Variants in FRAS1 observed in about 807,000 individuals in gnomAD.
FRAS1 encodes extracellular matrix organizing protein FRAS1.
In FRAS1, 290 loss-of-function variants were observed where a neutral mutation model predicts 435.2. The observed-to-expected ratio is 0.67, with a 90% CI of 0.61 to 0.73. The LOEUF is 0.73. Ranked by LOEUF, FRAS1 falls within the 30% of genes least tolerant of loss-of-function variation. The pLI, the probability that FRAS1 is intolerant of heterozygous loss-of-function variation, is 0.00. For missense variants in FRAS1, 4,860 were observed against 5,001.5 expected (o/e 0.97, Z 0.85); for synonymous variants, 1,800 against 1,851.0 (o/e 0.97, Z 0.71).
intron 18 of FRAS1, among the ~76,000 whole-genome samples, chr4:78,331,161 T>A (rs1414486583): frequency 6.6e-6 from 1 of 152,166 alleles, no homozygotes; most frequent in African/African-American, 2.4e-5. Context: ...AAAATTTAAT[T>A]TAAGAAAAAG....
At chr4:78,511,213 T>G in intron 63 of FRAS1, 61 bp from the exon 64 acceptor site, 1 of 1,303,544 alleles carries the variant, frequency 7.7e-7, no homozygotes, top group Non-Finnish European at 1.1e-6. Flanking sequence ...TTGAACCAGA[T>G]CATGTAAGGA....
At chr4:78,405,115 C>T (rs1006401169) in intron 30 of FRAS1, among the ~76,000 whole-genome samples, 10 of 152,098 alleles carry the variant, frequency 6.6e-5, no homozygotes, top group South Asian at 2.1e-4. Context: ...AAATATCTTA[C>T]GATTCCTGTT....
At chr4:78,505,826 T>A (rs1295494161) in intron 61 of FRAS1, among the ~76,000 whole-genome samples, 1 of 152,206 alleles carries the variant, frequency 6.6e-6, no homozygotes, top group African/African-American at 2.4e-5. Flanking sequence ...TTTTTAGAAT[T>A]TTCAGCTTTT....
chr4:78,461,553 A>G (rs1031062065), intron 47 of FRAS1, among the ~76,000 whole-genome samples: 1 of 152,176 alleles, frequency 6.6e-6, no homozygotes. Flanking sequence ...CAGTCTTTAA[A>G]CTGTGTTCCA....
intron 20 of FRAS1, among the ~76,000 whole-genome samples, chr4:78,358,366 C>T (rs1323686870): frequency 6.6e-6 from 1 of 152,118 alleles, no homozygotes; most frequent in East Asian, 1.9e-4. Context: ...ATAAATGGCT[C>T]TTGAAATACA....
At chr4:78,343,901 G>A (rs1477153160) in intron 20 of FRAS1, among the ~76,000 whole-genome samples, 1 of 152,138 alleles carries the variant, frequency 6.6e-6, no homozygotes, top group Non-Finnish European at 1.5e-5. Context: ...GGGGGAGGTG[G>A]GTTGGCACCG....
intron 22 of FRAS1, among the ~76,000 whole-genome samples, chr4:78,366,861 G>A (rs969036710): frequency 3.3e-5 from 5 of 152,184 alleles, no homozygotes; most frequent in Admixed American, 6.5e-5. Context: ...CTGAGAACCC[G>A]AGGGACGTTG....
chr4:78,268,414 C>T (rs1438901448), intron 9 of FRAS1, among the ~76,000 whole-genome samples: 4 of 152,112 alleles, frequency 2.6e-5, no homozygotes, highest in African/African-American at 9.7e-5. Flanking sequence ...AGATTTATTT[C>T]CCCTTAGATG....
At chr4:78,139,247 A>C (rs1333721025) in intron 2 of FRAS1, among the ~76,000 whole-genome samples, 2 of 152,168 alleles carry the variant, frequency 1.3e-5, no homozygotes, top group Non-Finnish European at 2.9e-5. Flanking sequence ...GGACCTTGGG[A>C]TGTGACAGTA....
intron 61 of FRAS1, among the ~76,000 whole-genome samples, chr4:78,504,530 T>G (rs545924616): frequency 1.3e-5 from 2 of 152,362 alleles, no homozygotes; most frequent in South Asian, 4.1e-4. Context: ...TATCAGAGAC[T>G]AGGATTGCAA....
chr4:78,308,452 A>T (rs981353324), intron 15 of FRAS1, among the ~76,000 whole-genome samples: 2 of 152,180 alleles, frequency 1.3e-5, no homozygotes, highest in Admixed American at 6.5e-5. Flanking sequence ...GCAGATGAAG[A>T]TAGTGAGGCC....
chr4:78,136,463 G>A (rs1363484784), intron 2 of FRAS1, among the ~76,000 whole-genome samples: 2 of 152,156 alleles, frequency 1.3e-5, no homozygotes, highest in Non-Finnish European at 2.9e-5. Flanking sequence ...CATGCATAAT[G>A]AGGATCAACT....
intron 9 of FRAS1, among the ~76,000 whole-genome samples, chr4:78,275,644 C>T (rs149151939): frequency 0.075 from 11,366 of 152,240 alleles, 626 homozygotes; most frequent in Non-Finnish European, 0.12. Context: ...AAATTGGCCC[C>T]CACTCTCTTC....
intron 2 of FRAS1, among the ~76,000 whole-genome samples, chr4:78,082,569 G>A (rs1740944918): frequency 6.6e-6 from 1 of 151,826 alleles, no homozygotes; most frequent in African/African-American, 2.4e-5. Flanking sequence ...TTTTTCTTCT[G>A]TTAGTTCATC....
At chr4:78,496,413 T>G (rs1411715263) in intron 59 of FRAS1, among the ~76,000 whole-genome samples, 1 of 152,238 alleles carries the variant, frequency 6.6e-6, no homozygotes, top group Non-Finnish European at 1.5e-5. Flanking sequence ...GGAAGTTTAA[T>G]CAGTATGTTA....
chr4:78,152,607 C>CTTTTTTTTTTTT (rs71214398), intron 2 of FRAS1, among the ~76,000 whole-genome samples: 7 of 72,422 alleles, frequency 9.7e-5, no homozygotes, highest in African/African-American at 1.6e-4. Context: ...ATGTAGGCTG[C>CTTTTTTTTTTTT]TTTTTTTTTT....
intron 2 of FRAS1, among the ~76,000 whole-genome samples, chr4:78,113,934 T>G (rs1742938374): frequency 1.3e-5 from 2 of 152,128 alleles, no homozygotes; most frequent in African/African-American, 2.4e-5. Flanking sequence ...ATTGCCTAGG[T>G]TTTCTTCTAG....
At chr4:78,397,358 T>C (rs1399337577) in intron 29 of FRAS1, among the ~76,000 whole-genome samples, 1 of 152,190 alleles carries the variant, frequency 6.6e-6, no homozygotes, top group African/African-American at 2.4e-5. Flanking sequence ...GAGCCTTTAT[T>C]TTCCTCATGT....
At chr4:78,451,365 C>T (rs1420780036) in intron 45 of FRAS1, among the ~76,000 whole-genome samples, 1 of 152,212 alleles carries the variant, frequency 6.6e-6, no homozygotes, top group Non-Finnish European at 1.5e-5. Context: ...ATGTGAGGTG[C>T]AGCTCTGTGT....
Sources: allele counts gnomAD v4.1 joint callset (sites outside exome capture counted in the v4.1 genomes callset), GRCh38; gene constraint gnomAD v4.1.1; transcripts MANE v1.5; gene names NCBI Gene and HGNC (gene_info 2026-07-23, HGNC 2026-07-21).